The following B3GALT1 variants were observed in gnomAD, a reference collection of about 807,000 sequenced individuals.
B3GALT1 encodes the protein UDP-Gal:betaGlcNAc beta 1,3-galactosyltransferase, polypeptide 1.
In B3GALT1, 10 loss-of-function variants were observed where a neutral mutation model predicts 23.2. That is an observed-to-expected ratio of 0.43 (90% CI 0.27 to 0.73). The LOEUF is 0.73. Ranked by LOEUF, B3GALT1 falls within the 30% of genes least tolerant of loss-of-function variation. The pLI, the probability that B3GALT1 is intolerant of heterozygous loss-of-function variation, is 0.21. For synonymous variants in B3GALT1, 156 were observed against 141.5 expected, an observed-to-expected ratio of 1.10 and a Z score of -0.73; for missense variants, 299 against 405.4, an observed-to-expected ratio of 0.74 and a Z score of 2.25.
chr2:167,400,245 G>A (rs1008679151), intron 1 of B3GALT1, among the ~76,000 whole-genome samples: 3 of 149,522 alleles, frequency 2.0e-5, no homozygotes, highest in Non-Finnish European at 3.0e-5. Context: ...CATTCTGCTC[G>A]AAGCTAGGTG....
At chr2:167,835,444 T>C (rs557500225) in intron 4 of B3GALT1, among the ~76,000 whole-genome samples, 1 of 152,318 alleles carries the variant, frequency 6.6e-6, no homozygotes, top group East Asian at 1.9e-4. Context: ...CACAGCAGTC[T>C]GAGATCAAAC....
intron 3 of B3GALT1, among the ~76,000 whole-genome samples, chr2:167,752,104 ACATTGTAAAAAGATTTTATGGGAT>A (rs1687747405): frequency 6.6e-6 from 1 of 152,132 alleles, no homozygotes; most frequent in Admixed American, 6.5e-5. Context: ...AAGAACTTTT[ACATTGTAAAAAGATTTTATGGGAT>A]GCAGTGAGAA....
intron 2 of B3GALT1, among the ~76,000 whole-genome samples, chr2:167,564,307 C>A (rs1325756178): frequency 6.6e-6 from 1 of 151,294 alleles, no homozygotes; most frequent in Non-Finnish European, 1.5e-5. Context: ...GATGTGATGG[C>A]GGCCGGGAAG....
chr2:167,834,848 CAA>C (rs368641971), intron 4 of B3GALT1, among the ~76,000 whole-genome samples: 1 of 135,942 alleles, frequency 7.4e-6, no homozygotes, highest in African/African-American at 2.7e-5. Context: ...AACTCCACCT[CAA>C]AAAAAAAAAA....
At chr2:167,345,812 T>C (rs1027092332) in intron 1 of B3GALT1, among the ~76,000 whole-genome samples, 4 of 152,130 alleles carry the variant, frequency 2.6e-5, no homozygotes, top group African/African-American at 9.7e-5. Flanking sequence ...GAGGCAATTA[T>C]GCTGGGAGTC....
intron 2 of B3GALT1, among the ~76,000 whole-genome samples, chr2:167,621,376 T>G (rs1267567094): frequency 6.6e-6 from 1 of 151,970 alleles, no homozygotes; most frequent in Non-Finnish European, 1.5e-5. Context: ...GTGAGCCACC[T>G]TGCCTGGCCA....
chr2:167,512,554 ATG>A (rs59040357), intron 2 of B3GALT1, among the ~76,000 whole-genome samples: 6,936 of 98,156 alleles, frequency 0.071, 1,007 homozygotes, highest in African/African-American at 0.25. Flanking sequence ...ATGTATATAT[ATG>A]TATATATATA....
In B3GALT1 at chr2:167,869,324, G is replaced by A; in HGVS notation, c.285G>A (p.Gln95=). 2 of 1,614,158 alleles carry A rather than the reference G, an allele frequency of 1.2e-6. No individual in the cohort carries two copies. Among genetic ancestry groups the A allele is most frequent in the Middle Eastern group, 1.6e-4 (1 of 6,062 alleles). Reference sequence around the variant, plus strand: ...CTCACAAGGAATTTGATGCCCGTCAGGCAATCAGAGAGACGTGGGGGGATG... The same window carrying A: ...CTCACAAGGAATTTGATGCCCGTCAAGCAATCAGAGAGACGTGGGGGGATG... ...STTHKEFDAR[Q]AIRETWGDEN... is the part of the protein sequence containing the mutation. Residue 95 remains glutamine (Q), a synonymous_variant, in exon 5 of 5, where the codon CAG becomes CAA. Coordinates refer to ENST00000392690, the MANE Select transcript of B3GALT1 (RefSeq NM_020981.4). This position sits in a 1 kb window ranked among gnomAD's most constrained non-coding sequence, Gnocchi z 6.4.
Position 167,711,448 on chromosome 2 carries a change from G to C in B3GALT1, c.-352+64482G>C, listed in dbSNP as rs1017423934. 6.6e-5 allele frequency among the ~76,000 whole-genome samples: 10 copies of C among 152,170 alleles called. 1 individual carries two copies. Among genetic ancestry groups the C allele is most frequent in the African/African-American group, 2.4e-4 (10 of 41,432 alleles). On this transcript the variant is annotated intron_variant, in intron 3 of 4. Coordinates refer to ENST00000392690, the MANE Select transcript of B3GALT1 (RefSeq NM_020981.4). ...ATGAATGGCACTGCAGGTAGAAAAA[G>C]GTAGTACCTGACGGTCCTCTGAGTC...
chr2:167,583,812 G>A (rs1684533538), intron 2 of B3GALT1, among the ~76,000 whole-genome samples: 2 of 152,070 alleles, frequency 1.3e-5, no homozygotes, highest in African/African-American at 4.8e-5. Context: ...AATATTTTCT[G>A]ACTAATGAAA....
At chr2:167,783,318 C>T (rs751425124) in intron 3 of B3GALT1, among the ~76,000 whole-genome samples, 4 of 151,994 alleles carry the variant, frequency 2.6e-5, no homozygotes, top group Non-Finnish European at 4.4e-5. Flanking sequence ...TGTTTATCTT[C>T]GTGTTAACTA....
At chr2:167,825,469 T>TGCGCGC (rs1212338242) in intron 4 of B3GALT1, among the ~76,000 whole-genome samples, 3,839 of 143,918 alleles carry the variant, frequency 0.027, 185 homozygotes, top group African/African-American at 0.092. Context: ...TGCACGTGTG[T>TGCGCGC]GTGTGTGTTA....
At chr2:167,804,785 A>G (rs1192486550) in intron 3 of B3GALT1, among the ~76,000 whole-genome samples, 2 of 151,930 alleles carry the variant, frequency 1.3e-5, no homozygotes, top group East Asian at 3.9e-4. Flanking sequence ...CGCAATAAAC[A>G]TATGTGTGCA....
At chr2:167,844,740 C>G (rs1252420012) in intron 4 of B3GALT1, among the ~76,000 whole-genome samples, 1 of 152,196 alleles carries the variant, frequency 6.6e-6, no homozygotes, top group Non-Finnish European at 1.5e-5. Flanking sequence ...GGGCGAGAAG[C>G]CTCCTGGCCA....
chr2:167,403,511 AAAG>A (rs1234208413), intron 1 of B3GALT1, among the ~76,000 whole-genome samples: 6 of 152,084 alleles, frequency 3.9e-5, no homozygotes, highest in Admixed American at 6.6e-5. Context: ...TTAAAAAAAA[AAAG>A]ACTCAGAGTT....
chr2:167,318,080 T>C (rs7594496), intron 1 of B3GALT1, among the ~76,000 whole-genome samples: 124,061 of 151,958 alleles, frequency 0.82, 51,763 homozygotes, highest in Non-Finnish European at 0.91. Flanking sequence ...GTAATCCCAG[T>C]GCTTTGGGAG....
intron 2 of B3GALT1, among the ~76,000 whole-genome samples, chr2:167,537,402 A>G (rs1027812792): frequency 6.6e-6 from 1 of 152,168 alleles, no homozygotes; most frequent in African/African-American, 2.4e-5. Context: ...AAAAAAAATT[A>G]CAGTATCTAT....
At chr2:167,540,049 T>C (rs1683510698) in intron 2 of B3GALT1, among the ~76,000 whole-genome samples, 1 of 152,186 alleles carries the variant, frequency 6.6e-6, no homozygotes, top group African/African-American at 2.4e-5. Flanking sequence ...AATTACCAAA[T>C]GATCATTTTC....
At chr2:167,824,920 A>G (rs1689183345) in intron 4 of B3GALT1, among the ~76,000 whole-genome samples, 1 of 152,146 alleles carries the variant, frequency 6.6e-6, no homozygotes, top group African/African-American at 2.4e-5. Context: ...AGATCCATAG[A>G]GAGAGATCTC....
Sources: gnomAD v4.1 joint callset for allele counts (sites outside exome capture counted in the v4.1 genomes callset) on GRCh38, gnomAD v4.1.1 for gene constraint, Gnocchi (gnomAD v3.1) non-coding constraint, MANE v1.5 for transcripts, NCBI Gene and HGNC (gene_info 2026-07-23, HGNC 2026-07-21) for gene names.